Variants in KIAA1328 observed in about 807,000 individuals in gnomAD.
The protein encoded by KIAA1328 is KIAA1328.
A neutral mutation model predicts 68.1 loss-of-function variants in KIAA1328; 52 were observed. That is an observed-to-expected ratio of 0.76 (90% confidence interval 0.61 to 0.96). The LOEUF (loss-of-function observed/expected upper bound fraction) is 0.96, where lower values mean the gene tolerates loss of function less well. Among genes scored for constraint, KIAA1328 ranks in the 40% least tolerant of loss-of-function variants. KIAA1328 has a pLI of 0.00. For missense variants in KIAA1328, 641 were observed against 677.6 expected, an observed-to-expected ratio of 0.95 and a Z score of 0.60; for synonymous variants, 232 against 239.4, an observed-to-expected ratio of 0.97 and a Z score of 0.28.
intron 7 of KIAA1328, among the ~76,000 whole-genome samples, chr18:37,113,376 T>A (rs1398798825): frequency 6.6e-6 from 1 of 152,050 alleles, no homozygotes; most frequent in Non-Finnish European, 1.5e-5. Context: ...AGAAAATAAT[T>A]TTCAACCCAG....
At chr18:36,984,264 A>C (rs1386308384) in intron 6 of KIAA1328, among the ~76,000 whole-genome samples, 1 of 152,204 alleles carries the variant, frequency 6.6e-6, no homozygotes, top group Non-Finnish European at 1.5e-5. Context: ...CCATGTAATA[A>C]ATCAAGAAAA....
intron 8 of KIAA1328, among the ~76,000 whole-genome samples, chr18:37,163,243 G>A (rs1480928634): frequency 6.6e-6 from 1 of 152,188 alleles, no homozygotes. Flanking sequence ...ATGTTGATGG[G>A]CTAGCAGAGG....
At chr18:37,201,112 A>G (rs2154219348) in intron 9 of KIAA1328, among the ~76,000 whole-genome samples, 1 of 152,270 alleles carries the variant, frequency 6.6e-6, no homozygotes, top group East Asian at 1.9e-4. Context: ...TCTTAGTGAA[A>G]TCTTTGATCT....
At chr18:36,879,196 T>G (rs1323410621) in intron 4 of KIAA1328, among the ~76,000 whole-genome samples, 1 of 149,582 alleles carries the variant, frequency 6.7e-6, no homozygotes, top group Non-Finnish European at 1.5e-5. Context: ...TTTGGATGGG[T>G]TTTTTTTTTC....
intron 4 of KIAA1328, among the ~76,000 whole-genome samples, chr18:36,870,128 C>T (rs2047896918): frequency 6.6e-6 from 1 of 152,118 alleles, no homozygotes; most frequent in Non-Finnish European, 1.5e-5. Flanking sequence ...TCCCAAAGTG[C>T]TGGAATTACA....
intron 7 of KIAA1328, among the ~76,000 whole-genome samples, chr18:37,112,729 CG>C (rs2057971732): frequency 6.6e-6 from 1 of 152,124 alleles, no homozygotes; most frequent in Non-Finnish European, 1.5e-5. Flanking sequence ...GGAGGATTTT[CG>C]AACCAATCGC....
intron 8 of KIAA1328, among the ~76,000 whole-genome samples, chr18:37,165,874 T>C (rs66638212): frequency 0.15 from 22,384 of 151,894 alleles, 1,736 homozygotes; most frequent in African/African-American, 0.18. Context: ...AAAATGCTCT[T>C]TATCGGGCTG....
At chr18:37,075,638 A>T (rs1599170010) in intron 7 of KIAA1328, 1 of 152,214 alleles carries the variant, frequency 6.6e-6, no homozygotes, top group Admixed American at 6.5e-5. Context: ...ATGGAGGAAG[A>T]TCTACCAAGC....
At chr18:37,104,286 T>G (rs2057708412) in intron 7 of KIAA1328, among the ~76,000 whole-genome samples, 2 of 152,140 alleles carry the variant, frequency 1.3e-5, no homozygotes. Flanking sequence ...ATCATATGAA[T>G]GGATAAAGAA....
At chr18:37,178,795 T>C (rs1484074540) in intron 9 of KIAA1328, among the ~76,000 whole-genome samples, 1 of 152,204 alleles carries the variant, frequency 6.6e-6, no homozygotes, top group Non-Finnish European at 1.5e-5. Flanking sequence ...TGATATTTCA[T>C]TGTGGTTTTG....
downstream of KIAA1328, chr18:37,231,956 G>A (rs1457359057): frequency 6.6e-6 from 1 of 152,194 alleles, no homozygotes; most frequent in Non-Finnish European, 1.5e-5. Context: ...TCACAGCTCT[G>A]GTTTCCTCTG....
At chr18:36,949,441 A>G (rs943940469) in intron 5 of KIAA1328, among the ~76,000 whole-genome samples, 4 of 152,108 alleles carry the variant, frequency 2.6e-5, no homozygotes, top group Non-Finnish European at 5.9e-5. Flanking sequence ...GGGTGTCTGG[A>G]TTTAAACATT....
At chr18:37,215,120 T>C (rs1422199731) in intron 9 of KIAA1328, among the ~76,000 whole-genome samples, 1 of 152,206 alleles carries the variant, frequency 6.6e-6, no homozygotes, top group Non-Finnish European at 1.5e-5. Flanking sequence ...ACTTCCTCTT[T>C]TCCTAATTGA....
chr18:36,856,947 C>T (rs2047403905), intron 4 of KIAA1328, among the ~76,000 whole-genome samples: 1 of 152,108 alleles, frequency 6.6e-6, no homozygotes, highest in Non-Finnish European at 1.5e-5. Flanking sequence ...ATTTCAATGT[C>T]AGCCAGTGAC....
chr18:36,941,924 A>G (rs1288203111), intron 5 of KIAA1328, among the ~76,000 whole-genome samples: 7 of 152,208 alleles, frequency 4.6e-5, no homozygotes, highest in African/African-American at 1.7e-4. Context: ...TGAAACATTA[A>G]GAAAAAAAAG....
intron 7 of KIAA1328, among the ~76,000 whole-genome samples, chr18:37,129,749 C>G (rs1209561131): frequency 6.6e-6 from 1 of 152,030 alleles, no homozygotes; most frequent in African/African-American, 2.4e-5. Flanking sequence ...CAGAGTTAGT[C>G]TATAGACAAA....
chr18:36,962,718 A>G (rs955435400), intron 6 of KIAA1328, among the ~76,000 whole-genome samples: 3 of 152,194 alleles, frequency 2.0e-5, no homozygotes, highest in African/African-American at 4.8e-5. Flanking sequence ...CTGAATGACT[A>G]CTGGGTAAAT....
chr18:37,067,554 T>A lies in KIAA1328; in HGVS notation c.1232+9T>A. On this transcript the variant is annotated intron_variant, in intron 7 of 9. Transcript: ENST00000280020. ...CGACTGGATTACAATTGGTGAGTACTGCCTGTTCTTTTTTTTTTTTTTTTG... is the reference window on the plus strand; with the variant it reads ...CGACTGGATTACAATTGGTGAGTACAGCCTGTTCTTTTTTTTTTTTTTTTG... 6.8e-7 allele frequency: 1 copy of A among 1,461,612 alleles called. No homozygotes were observed. The highest frequency in any genetic ancestry group is 1.4e-5 in the South Asian group (1 of 71,110). The allele number at this position is 1,461,612 out of a possible 1,614,324, so 90.5% of individuals were successfully genotyped here. A position where few individuals can be genotyped will look rare whatever the true frequency, so the allele number is the denominator to read the frequency against.
At chr18:37,214,542 G>T (rs978871512) in intron 9 of KIAA1328, among the ~76,000 whole-genome samples, 14 of 152,108 alleles carry the variant, frequency 9.2e-5, no homozygotes, top group African/African-American at 3.4e-4. Flanking sequence ...ATGCTGTTTT[G>T]GTTATTGTAG....
Sources: allele counts gnomAD v4.1 joint callset (sites outside exome capture counted in the v4.1 genomes callset), GRCh38; gene constraint gnomAD v4.1.1; transcripts MANE v1.5; gene names NCBI Gene and HGNC (gene_info 2026-07-23, HGNC 2026-07-21).